SLIT3: variants seen among roughly 807,000 people sequenced by gnomAD.
SLIT3 encodes the protein slit guidance ligand 3.
SLIT3 carries 68 observed loss-of-function variants against 184.0 expected under a neutral mutation model. The ratio of observed to expected loss-of-function variants is 0.37; its 90% CI spans 0.30 to 0.45. The LOEUF is 0.45. SLIT3 is among the 20% of genes least tolerant of loss of function. The pLI, the probability that SLIT3 is intolerant of heterozygous loss-of-function variation, is 1.00. For missense variants in SLIT3, 1,707 were observed against 2,026.0 expected (o/e 0.84, Z 3.02); for synonymous variants, 831 against 828.6 (o/e 1.00, Z -0.05).
intron 20 of SLIT3, among the ~76,000 whole-genome samples, chr5:168,746,991 T>TGGTGGTGTGGTGGTGTGGGTGTG (rs1457629722): frequency 2.2e-5 from 3 of 138,112 alleles, no homozygotes; most frequent in African/African-American, 8.2e-5. Context: ...GGTGTGGATG[T>TGGTGGTGTGGTGGTGTGGGTGTG]GTGGTGTGTG....
chr5:169,095,481 G>A (rs547266964), intron 4 of SLIT3, among the ~76,000 whole-genome samples: 2 of 152,150 alleles, frequency 1.3e-5, no homozygotes, highest in East Asian at 1.9e-4. Context: ...TAAAACTAAG[G>A]TATGAGGGTA....
chr5:168,977,899 C>T (rs1754821964), intron 4 of SLIT3, among the ~76,000 whole-genome samples: 1 of 152,194 alleles, frequency 6.6e-6, no homozygotes, highest in Non-Finnish European at 1.5e-5. Flanking sequence ...CTTGTCTACA[C>T]CTCTTCTGCC....
Position 169,289,105 on chromosome 5 carries a change from G to A in SLIT3, c.197+11408C>T, listed in dbSNP as rs887928853. Among the ~76,000 whole-genome samples the A allele has an allele frequency of 3.9e-5, 6 of 152,170 alleles. 1 individual carries two copies. The highest frequency in any genetic ancestry group is 8.8e-5 in the Non-Finnish European group (6 of 68,028). On this transcript the variant is annotated intron_variant, in intron 1 of 35. Coordinates refer to ENST00000519560, the MANE Select transcript of SLIT3 (RefSeq NM_003062.4). ...GAGTGTTATTTCTCCCATTCCAAAG[G>A]TTATAGATGAGACTATGGAGACCGC...
intron 4 of SLIT3, among the ~76,000 whole-genome samples, chr5:168,930,706 C>G (rs893645204): frequency 6.6e-6 from 1 of 152,048 alleles, no homozygotes; most frequent in Non-Finnish European, 1.5e-5. Context: ...TCCATCATGT[C>G]TAGAAATAGG....
At chr5:169,133,287 A>G (rs963020970) in intron 4 of SLIT3, among the ~76,000 whole-genome samples, 3 of 152,314 alleles carry the variant, frequency 2.0e-5, no homozygotes, top group Admixed American at 2.0e-4. Context: ...GTGTTTGTCA[A>G]TGCACTCTGT....
In SLIT3 at chr5:168,774,386, C is replaced by A. The variant is rs1477164454; in HGVS notation, c.1152-8G>T. The A allele has an allele frequency of 4.4e-6, 7 of 1,607,478 alleles. No homozygotes were observed. The South Asian group carries it at 7.8e-5, about 18-fold the overall frequency. Reference sequence around the variant, plus strand: ...TTGTTGGCATTGAGGAGGCTGCAAACAGAAGAGAGCCTGGTTGATTCACTA... The same window carrying A: ...TTGTTGGCATTGAGGAGGCTGCAAAAAGAAGAGAGCCTGGTTGATTCACTA... On this transcript the variant is annotated splice_region_variant and splice_polypyrimidine_tract_variant and intron_variant, in intron 12 of 35. Transcript: ENST00000519560.
chr5:169,043,573 A>G (rs116613546), intron 4 of SLIT3, among the ~76,000 whole-genome samples: 42 of 152,370 alleles, frequency 2.8e-4, no homozygotes, highest in Non-Finnish European at 5.6e-4. Flanking sequence ...CTCTTTTGAA[A>G]ACACTTTATA....
chr5:169,056,971 G>T (rs1758026090), intron 4 of SLIT3, among the ~76,000 whole-genome samples: 1 of 152,206 alleles, frequency 6.6e-6, no homozygotes, highest in Non-Finnish European at 1.5e-5. Context: ...GTAAGAAAAT[G>T]CTATCTGCCT....
intron 4 of SLIT3, among the ~76,000 whole-genome samples, chr5:169,178,254 C>T (rs1047580078): frequency 1.9e-4 from 29 of 152,306 alleles, no homozygotes; most frequent in East Asian, 1.5e-3. Context: ...TGAAAAATCA[C>T]GGCTAAGGTA....
At chr5:168,756,056 C>T (rs947180775) in intron 16 of SLIT3, among the ~76,000 whole-genome samples, 11 of 152,344 alleles carry the variant, frequency 7.2e-5, no homozygotes, top group Admixed American at 2.0e-4. Context: ...GAACCATCTT[C>T]TGCAAACAAG....
intron 4 of SLIT3, among the ~76,000 whole-genome samples, chr5:169,124,037 G>T (rs916886385): frequency 2.6e-5 from 4 of 152,106 alleles, no homozygotes; most frequent in Non-Finnish European, 4.4e-5. Context: ...GGTTTCAGAC[G>T]GAAATCATTA....
At chr5:169,086,741 T>C (rs1429586326) in intron 4 of SLIT3, among the ~76,000 whole-genome samples, 1 of 152,206 alleles carries the variant, frequency 6.6e-6, no homozygotes, top group Non-Finnish European at 1.5e-5. Flanking sequence ...AGAATGCCCT[T>C]GACCTTTGAC....
intron 3 of SLIT3, among the ~76,000 whole-genome samples, chr5:169,224,091 A>C (rs566554894): frequency 6.6e-6 from 1 of 152,336 alleles, no homozygotes; most frequent in Admixed American, 6.5e-5. Flanking sequence ...CTGCTTTCAA[A>C]TCTTGCCTCC....
chr5:169,281,873 T>C (rs371772603), intron 1 of SLIT3, among the ~76,000 whole-genome samples: 31 of 63,424 alleles, frequency 4.9e-4, no homozygotes, highest in African/African-American at 1.4e-3. Flanking sequence ...CAGAGGTAAT[T>C]TTCCCCCCCA....
At chr5:169,245,579 C>T (rs527733347) in intron 2 of SLIT3, among the ~76,000 whole-genome samples, 65 of 152,236 alleles carry the variant, frequency 4.3e-4, no homozygotes, top group African/African-American at 1.5e-3. Context: ...ACACAGATTG[C>T]ACATGGTGGC....
At chr5:168,732,739 T>C (rs1050346696) in intron 20 of SLIT3, among the ~76,000 whole-genome samples, 3 of 152,166 alleles carry the variant, frequency 2.0e-5, no homozygotes, top group Admixed American at 2.0e-4. Flanking sequence ...ATTCAATAAA[T>C]GGTGCTGGGA....
intron 12 of SLIT3, among the ~76,000 whole-genome samples, chr5:168,782,553 G>C (rs1561930184): frequency 6.6e-6 from 1 of 152,190 alleles, no homozygotes; most frequent in Non-Finnish European, 1.5e-5. Context: ...TGGGTGGGCA[G>C]GGGAAGGTAG....
At chr5:169,183,427 A>G (rs1763234104) in intron 4 of SLIT3, among the ~76,000 whole-genome samples, 1 of 152,142 alleles carries the variant, frequency 6.6e-6, no homozygotes, top group South Asian at 2.1e-4. Flanking sequence ...AAGCCCTTAC[A>G]CATACAACCC....
chr5:169,279,351 C>T (rs1488681019), intron 1 of SLIT3, among the ~76,000 whole-genome samples: 1 of 152,186 alleles, frequency 6.6e-6, no homozygotes, highest in Non-Finnish European at 1.5e-5. Context: ...GCTTTCCCCA[C>T]ATCCTGTCTC....
Sources: gnomAD v4.1 joint callset for allele counts (sites outside exome capture counted in the v4.1 genomes callset) on GRCh38, gnomAD v4.1.1 for gene constraint, MANE v1.5 for transcripts, NCBI Gene and HGNC (gene_info 2026-07-23, HGNC 2026-07-21) for gene names.